The following JAK1 variants were observed in gnomAD, a reference collection of about 807,000 sequenced individuals.
The protein encoded by JAK1 is tyrosine-protein kinase JAK1.
In JAK1, 16 loss-of-function variants were observed where a neutral mutation model predicts 136.6. That is an observed-to-expected ratio of 0.12 (90% CI 0.08 to 0.18). The LOEUF (loss-of-function observed/expected upper bound fraction) is 0.18. Among genes scored for constraint, JAK1 ranks in the 10% least tolerant of loss-of-function variants. JAK1 has a pLI of 1.00. For synonymous variants in JAK1, 492 were observed against 519.5 expected (o/e 0.95, Z 0.72); for missense variants, 859 against 1,450.1 (o/e 0.59, Z 6.62).
At chr1:64,850,974 G>T (rs990822666) in intron 11 of JAK1, 64 bp from the exon 12 acceptor site, 2 of 1,136,716 alleles carry the variant, frequency 1.8e-6, no homozygotes, top group Non-Finnish European at 2.7e-6. Context: ...GACAGCCAAC[G>T]TCTGCTGAGC....
intron 2 of JAK1, among the ~76,000 whole-genome samples, chr1:65,039,371 CT>C (rs1647108710): frequency 6.6e-6 from 1 of 152,072 alleles, no homozygotes; most frequent in South Asian, 2.1e-4. Context: ...ATAGATAATG[CT>C]TATCCAATGT....
At chr1:65,063,619 C>A (rs1234148018) in intron 1 of JAK1, among the ~76,000 whole-genome samples, 1 of 151,994 alleles carries the variant, frequency 6.6e-6, no homozygotes, top group African/African-American at 2.4e-5. Context: ...GCCTGGCCAA[C>A]GTGGGGAAAC....
chr1:64,958,140 T>C (rs1646223790), intron 1 of JAK1, among the ~76,000 whole-genome samples: 1 of 152,202 alleles, frequency 6.6e-6, no homozygotes, highest in Admixed American at 6.5e-5. Context: ...AGAGAGTTGC[T>C]GAATAAAGGA....
intron 2 of JAK1, among the ~76,000 whole-genome samples, chr1:65,031,155 C>CA (rs375856684): frequency 0.13 from 9,003 of 67,492 alleles, 498 homozygotes; most frequent in Admixed American, 0.17. Context: ...GACCCTATCT[C>CA]AAAAAAAAAA....
chr1:64,994,879 T>C (rs905616045), intron 2 of JAK1: 3 of 149,644 alleles, frequency 2.0e-5, no homozygotes, highest in African/African-American at 7.4e-5. Flanking sequence ...ATTAGGATAA[T>C]AGGGCTGCCC....
At position 64,846,640 on chromosome 1, in the gene JAK1, C is replaced by G. The variant is rs2101007699; in HGVS notation, c.1987+9G>C. On this transcript the variant is annotated intron_variant, in intron 14 of 24. Transcript: ENST00000342505. ...GGCCACCCACCCCTTTGAAAGAGAA[C>G]ACACTTACTCTCCACGTCGCGGACA... 1.9e-6 allele frequency: 3 copies of G among 1,610,486 alleles called. No individual in the cohort carries two copies. Among genetic ancestry groups the G allele is most frequent in the Non-Finnish European group, 2.5e-6 (3 of 1,177,026 alleles).
At chr1:64,841,670 G>A in intron 17 of JAK1, 69 bp from the exon 18 acceptor site, 1 of 1,536,422 alleles carries the variant, frequency 6.5e-7, no homozygotes, top group Admixed American at 1.7e-5. Context: ...CCCAGGTCAG[G>A]TGGAATTGCC....
chr1:64,976,219 C>G (rs529003966), intron 2 of JAK1, among the ~76,000 whole-genome samples: 2 of 152,278 alleles, frequency 1.3e-5, no homozygotes, highest in African/African-American at 4.8e-5. Context: ...AGGGTTGCCT[C>G]CTATCGCTGC....
At chr1:64,914,247 A>G (rs1033455662) in intron 1 of JAK1, among the ~76,000 whole-genome samples, 1 of 152,220 alleles carries the variant, frequency 6.6e-6, no homozygotes, top group African/African-American at 2.4e-5. Flanking sequence ...GGCACTAGGG[A>G]TTCAAAAATA....
intron 2 of JAK1, among the ~76,000 whole-genome samples, 168 bp from the exon 3 acceptor site, chr1:64,883,643 A>AT (rs772815528): frequency 3.5e-4 from 54 of 152,240 alleles, no homozygotes; most frequent in Middle Eastern, 6.8e-3. Flanking sequence ...GTCAGATCTC[A>AT]TAAGAGATGA....
In JAK1 at chr1:64,913,667, G is replaced by A. The variant is rs984722585; in HGVS notation, c.-77-27326C>T. Reference sequence around the variant, plus strand: ...AGGAAGGAAGGAAAGAAGGAAGGAAGGAAGGAAGGAAGGAAGGAAGGAAGG... The same window carrying A: ...AGGAAGGAAGGAAAGAAGGAAGGAAAGAAGGAAGGAAGGAAGGAAGGAAGG... On this transcript the variant is annotated intron_variant, in intron 1 of 24. Transcript: ENST00000342505. 2.2e-4 allele frequency among the ~76,000 whole-genome samples: 5 copies of A among 22,980 alleles called. 1 individual carries two copies. The East Asian group carries it at 0.011, about 52-fold the overall frequency. 15.1% of individuals were successfully genotyped at this position (22,980 alleles called of 152,430 possible).
intron 1 of JAK1, among the ~76,000 whole-genome samples, chr1:64,914,802 G>C (rs1172807684): frequency 6.6e-6 from 1 of 152,138 alleles, no homozygotes; most frequent in Non-Finnish European, 1.5e-5. Context: ...GACCTCAAGT[G>C]ATCCACCCAT....
chr1:64,892,919 C>T (rs894347695), intron 1 of JAK1, among the ~76,000 whole-genome samples: 1 of 152,134 alleles, frequency 6.6e-6, no homozygotes. Context: ...AAAAATCTTA[C>T]AATCTACTGA....
At chr1:65,057,202 C>G (rs556428259) in intron 1 of JAK1, among the ~76,000 whole-genome samples, 27 of 152,274 alleles carry the variant, frequency 1.8e-4, no homozygotes, top group Middle Eastern at 3.4e-3. Flanking sequence ...GTACTGTGAT[C>G]TAAGATCTAA....
At chr1:64,853,124 G>A (rs79831818) in intron 11 of JAK1, among the ~76,000 whole-genome samples, 1 of 152,234 alleles carries the variant, frequency 6.6e-6, no homozygotes, top group African/African-American at 2.4e-5. Flanking sequence ...GGTTAGGAGA[G>A]CAGAGGAGCT....
At chr1:65,051,832 A>G (rs531659814) in intron 1 of JAK1, among the ~76,000 whole-genome samples, 2 of 152,254 alleles carry the variant, frequency 1.3e-5, no homozygotes, top group Admixed American at 6.5e-5. Flanking sequence ...AGCAACGTAT[A>G]ATCAGCTTAC....
At chr1:65,063,292 C>T (rs1336853213) in intron 1 of JAK1, among the ~76,000 whole-genome samples, 1 of 152,138 alleles carries the variant, frequency 6.6e-6, no homozygotes, top group African/African-American at 2.4e-5. Context: ...GTTCAGGATC[C>T]TTTTACAAAA....
chr1:64,869,193 G>A, intron 6 of JAK1, 118 bp downstream of exon 6: 1 of 819,170 alleles, frequency 1.2e-6, no homozygotes. Context: ...GGAAGATCTG[G>A]GTTTCATAGA....
chr1:64,895,646 A>G lies in JAK1; in HGVS notation c.-77-9305T>C, dbSNP rs1035975318. Among the ~76,000 whole-genome samples, 10 of 152,330 alleles carry G rather than the reference A, an allele frequency of 6.6e-5. No individual in the cohort carries two copies. In the East Asian group the frequency reaches 1.7e-3, roughly 26 times the overall value. Reference sequence around the variant, plus strand: ...AGCTGGACTGAGACCCATACAACGCATATGCACAGTCTTCATTTCACAATA... The same window carrying G: ...AGCTGGACTGAGACCCATACAACGCGTATGCACAGTCTTCATTTCACAATA... On this transcript the variant is annotated intron_variant, in intron 1 of 24. Coordinates refer to ENST00000342505, the MANE Select transcript of JAK1 (RefSeq NM_002227.4).
Sources: gnomAD v4.1 joint callset for allele counts (sites outside exome capture counted in the v4.1 genomes callset) on GRCh38, gnomAD v4.1.1 for gene constraint, MANE v1.5 for transcripts, NCBI Gene and HGNC (gene_info 2026-07-23, HGNC 2026-07-21) for gene names.